The following TOP1 variants were observed in gnomAD, a reference collection of about 807,000 sequenced individuals.
The protein encoded by TOP1 is DNA topoisomerase I, also known as DNA topoisomerase 1.
Under a neutral mutation model 111.1 loss-of-function variants are expected in TOP1, and 10 were observed. The ratio of observed to expected loss-of-function variants is 0.09; its 90% confidence interval spans 0.06 to 0.15. The LOEUF is 0.15. Ranked by LOEUF, TOP1 falls within the 10% of genes least tolerant of loss-of-function variation. The probability of loss-of-function intolerance (pLI) is 1.00; values close to 1 mark genes in which losing one functional copy is unlikely to be tolerated. For missense variants in TOP1, 474 were observed against 926.7 expected (o/e 0.51, Z 6.34); for synonymous variants, 271 against 302.9 (o/e 0.89, Z 1.10).
intron 2 of TOP1, among the ~76,000 whole-genome samples, chr20:41,035,810 G>T (rs2033177938): frequency 6.6e-6 from 1 of 152,134 alleles, no homozygotes; most frequent in African/African-American, 2.4e-5. Context: ...ATGTATGAAT[G>T]CCCAGATTTA....
chr20:41,043,334 G>T (rs1260906719), intron 2 of TOP1, among the ~76,000 whole-genome samples: 1 of 152,198 alleles, frequency 6.6e-6, no homozygotes, highest in African/African-American at 2.4e-5. Flanking sequence ...AAGGAACCAT[G>T]TATGGAGTTC....
chr20:41,036,495 T>C (rs964205329), intron 2 of TOP1, among the ~76,000 whole-genome samples: 1 of 152,216 alleles, frequency 6.6e-6, no homozygotes, highest in Non-Finnish European at 1.5e-5. Flanking sequence ...GATAAGTATA[T>C]GAAGGTGCCT....
chr20:41,059,163 T>A (rs888885651), intron 2 of TOP1, among the ~76,000 whole-genome samples: 1 of 151,920 alleles, frequency 6.6e-6, no homozygotes, highest in Non-Finnish European at 1.5e-5. Flanking sequence ...TACAGGGGCC[T>A]TTTGGAGGGT....
At chr20:41,054,763 A>G (rs2033449242) in intron 2 of TOP1, among the ~76,000 whole-genome samples, 1 of 152,186 alleles carries the variant, frequency 6.6e-6, no homozygotes, top group South Asian at 2.1e-4. Flanking sequence ...GGACTTGAAT[A>G]TATTTGGTTT....
chr20:41,084,346 T>G, intron 7 of TOP1, 116 bp from the exon 8 acceptor site: 1 of 527,498 alleles, frequency 1.9e-6, no homozygotes, highest in Non-Finnish European at 3.4e-6. Flanking sequence ...TACTAAGATC[T>G]TCTTTAGTTC....
At chr20:41,052,540 C>T (rs1184966472) in intron 2 of TOP1, among the ~76,000 whole-genome samples, 1 of 152,056 alleles carries the variant, frequency 6.6e-6, no homozygotes, top group African/African-American at 2.4e-5. Flanking sequence ...GGGTTTAGGC[C>T]AGCTTTCAGG....
rs530882059 is a variant in TOP1 at position 41,046,572 on chromosome 20, G to A, written c.59-14822G>A. Reference sequence around the variant, plus strand: ...ATTCTTTCCCTATTAAGGGAAGCTTGCTTGCCTTTGCAGCAAAGCCCCCTG... The same window carrying A: ...ATTCTTTCCCTATTAAGGGAAGCTTACTTGCCTTTGCAGCAAAGCCCCCTG... On this transcript the variant is annotated intron_variant, in intron 2 of 20. Coordinates refer to ENST00000361337, the MANE Select transcript of TOP1 (RefSeq NM_003286.4). The surrounding 1 kb of genome is among the most constrained non-coding windows in gnomAD (Gnocchi z 4.3). Among the ~76,000 whole-genome samples the A allele has an allele frequency of 1.2e-4, 19 of 152,312 alleles. No homozygotes were observed. The highest frequency in any genetic ancestry group is 2.1e-4 in the Non-Finnish European group (14 of 68,020).
Position 41,067,598 on chromosome 20 carries a change from A to G in TOP1, c.155+6108A>G, listed in dbSNP as rs1301364084. Among the ~76,000 whole-genome samples the G allele has an allele frequency of 6.6e-6, 1 of 152,252 alleles. No individual in the cohort carries two copies. The highest frequency in any genetic ancestry group is 1.5e-5 in the Non-Finnish European group (1 of 68,046). The stretch of plus-strand genomic sequence containing the variant: ...GTTCTGTTCCAAAATGCTTTCATTT[A>G]TTCCAATCCTTGCTAATCAATTGTA... On this transcript the variant is annotated intron_variant, in intron 3 of 20. Coordinates refer to ENST00000361337, the MANE Select transcript of TOP1 (RefSeq NM_003286.4). The surrounding 1 kb of genome is among the most constrained non-coding windows in gnomAD (Gnocchi z 4.0).
intron 3 of TOP1, chr20:41,072,596 A>T (rs547180869): frequency 9.7e-5 from 96 of 985,366 alleles, no homozygotes; most frequent in Non-Finnish European, 1.1e-4. Context: ...TCCTTCAGGC[A>T]CATTCCTAGG....
chr20:41,063,250 TG>T (rs2033567408), intron 3 of TOP1, among the ~76,000 whole-genome samples: 1 of 152,222 alleles, frequency 6.6e-6, no homozygotes, highest in East Asian at 1.9e-4. Context: ...GCATCCATGT[TG>T]CTACAAAGGA....
At chr20:41,108,558 G>C (rs538902168) in intron 13 of TOP1, among the ~76,000 whole-genome samples, 9 of 152,278 alleles carry the variant, frequency 5.9e-5, no homozygotes, top group Admixed American at 1.3e-4. Context: ...ACTTGCTCTA[G>C]GTACTGAAAA....
At chr20:41,089,214 C>T (rs1054467398) in intron 8 of TOP1, among the ~76,000 whole-genome samples, 18 of 151,778 alleles carry the variant, frequency 1.2e-4, no homozygotes, top group African/African-American at 2.2e-4. Flanking sequence ...TTGGTAGAGA[C>T]GGGGTTTCGC....
chr20:41,060,866 T>C (rs1477513229), intron 2 of TOP1, among the ~76,000 whole-genome samples: 4 of 152,336 alleles, frequency 2.6e-5, no homozygotes, highest in Non-Finnish European at 5.9e-5. Flanking sequence ...TTGGTTGTAT[T>C]GTTATTACTA....
chr20:41,122,273 G>A lies in TOP1; in HGVS notation c.2195+118G>A. On this transcript the variant is annotated intron_variant, in intron 20 of 20. Coordinates refer to ENST00000361337, the MANE Select transcript of TOP1 (RefSeq NM_003286.4). This position sits in a 1 kb window ranked among gnomAD's most constrained non-coding sequence, Gnocchi z 5.4. ...AAGCTACACACTTTAGTCCTCTGGG[G>A]AAACTTCTGGCTTCAGCTGTGTACA... is the stretch of plus-strand genomic sequence containing the variant. The A allele has an allele frequency of 2.8e-6, 3 of 1,079,442 alleles. No homozygotes were observed. The highest frequency in any genetic ancestry group is 2.2e-4 in the Middle Eastern group (1 of 4,614). The allele number at this position is 1,079,442 out of a possible 1,614,324, so 66.9% of individuals were successfully genotyped here.
chr20:41,040,502 T>A (rs2033248724), intron 2 of TOP1, among the ~76,000 whole-genome samples: 1 of 152,158 alleles, frequency 6.6e-6, no homozygotes, highest in Admixed American at 6.5e-5. Context: ...GAACACAAAT[T>A]TGTTAGTCTT....
intron 2 of TOP1, among the ~76,000 whole-genome samples, chr20:41,060,751 A>G (rs1291564725): frequency 6.6e-6 from 1 of 152,238 alleles, no homozygotes; most frequent in Non-Finnish European, 1.5e-5. Flanking sequence ...CATATAACCT[A>G]CACAATCCTT....
At chr20:41,064,945 C>G (rs942990789) in intron 3 of TOP1, among the ~76,000 whole-genome samples, 6 of 152,014 alleles carry the variant, frequency 3.9e-5, no homozygotes, top group Admixed American at 3.9e-4. Context: ...TACTCTGTTG[C>G]CCAGGCTGGA....
In TOP1 at chr20:41,084,293, C is replaced by G. The variant is rs181913875; in HGVS notation, c.508-169C>G. Reference sequence around the variant, plus strand: ...AATTTTAGGAAATACTGCTGTAGAACAGAGCACCAGTACATTGTTATTCAT... The same window carrying G: ...AATTTTAGGAAATACTGCTGTAGAAGAGAGCACCAGTACATTGTTATTCAT... On this transcript the variant is annotated intron_variant, in intron 7 of 20. Transcript: ENST00000361337. Among the ~76,000 whole-genome samples the G allele has an allele frequency of 2.5e-4, 38 of 152,094 alleles. No individual in the cohort carries two copies. The East Asian group carries it at 4.6e-3, about 19-fold the overall frequency.
At chr20:41,053,614 T>A (rs1206435308) in intron 2 of TOP1, among the ~76,000 whole-genome samples, 3 of 152,242 alleles carry the variant, frequency 2.0e-5, no homozygotes, top group Non-Finnish European at 4.4e-5. Flanking sequence ...AAATGTCTAT[T>A]ACCTTTATAA....
Sources: allele counts gnomAD v4.1 joint callset (sites outside exome capture counted in the v4.1 genomes callset), GRCh38; gene constraint gnomAD v4.1.1; non-coding constraint Gnocchi (gnomAD v3.1); transcripts MANE v1.5; gene names NCBI Gene and HGNC (gene_info 2026-07-23, HGNC 2026-07-21).